The following SUGCT variants were observed in gnomAD, a reference collection of about 807,000 sequenced individuals.
SUGCT encodes the protein succinyl-CoA:glutarate-CoA transferase.
In SUGCT, 41 loss-of-function variants were observed where a neutral mutation model predicts 55.0. The ratio of observed to expected loss-of-function variants is 0.74; its 90% CI spans 0.58 to 0.97. The LOEUF (loss-of-function observed/expected upper bound fraction) is 0.97, where lower values mean the gene tolerates loss of function less well. Ranked by LOEUF, SUGCT falls within the 50% of genes least tolerant of loss-of-function variation. The pLI is 0.00. For synonymous variants in SUGCT, 187 were observed against 200.4 expected (o/e 0.93, Z 0.56); for missense variants, 568 against 547.8 (o/e 1.04, Z -0.37).
chr7:40,672,449 A>G (rs2151872786), intron 12 of SUGCT, among the ~76,000 whole-genome samples: 1 of 152,362 alleles, frequency 6.6e-6, no homozygotes, highest in East Asian at 1.9e-4. Context: ...CCAGAGAAAA[A>G]GACAATCCCA....
chr7:40,818,479 A>C lies in SUGCT; in HGVS notation c.1154-41837A>C, dbSNP rs188959395. Among the ~76,000 whole-genome samples the C allele has an allele frequency of 1.2e-4, 19 of 152,372 alleles. No homozygotes were observed. The East Asian group carries it at 3.1e-3, about 25-fold the overall frequency. ...CCAGAACATGACTACTTCTTCATAA[A>C]GAACTGGTAAGGACTGCTTTCCTCA... On this transcript the variant is annotated intron_variant, in intron 13 of 13. Coordinates refer to ENST00000335693, the MANE Select transcript of SUGCT (RefSeq NM_001193313.2).
intron 12 of SUGCT, among the ~76,000 whole-genome samples, chr7:40,552,918 C>T (rs1327914581): frequency 6.6e-6 from 1 of 152,082 alleles, no homozygotes; most frequent in Non-Finnish European, 1.5e-5. Flanking sequence ...AGACCTTGTA[C>T]CTGGCTGAGC....
At chr7:40,905,197 T>A in the SUGCT span, among the ~76,000 whole-genome samples, 1 of 152,230 alleles carries the variant, frequency 6.6e-6, no homozygotes, top group African/African-American at 2.4e-5. Flanking sequence ...TTGAATCATT[T>A]GGTTCATAAA....
chr7:40,581,985 C>T (rs1797120169), intron 12 of SUGCT, among the ~76,000 whole-genome samples: 1 of 152,058 alleles, frequency 6.6e-6, no homozygotes, highest in Non-Finnish European at 1.5e-5. Context: ...TAAAATAAAA[C>T]AAGGAAGGAA....
At chr7:40,915,141 C>T in the SUGCT span, among the ~76,000 whole-genome samples, 1 of 152,190 alleles carries the variant, frequency 6.6e-6, no homozygotes, top group Non-Finnish European at 1.5e-5. Context: ...TAATGACCCA[C>T]ATTCTTAAGG....
At chr7:40,893,911 A>C in the SUGCT span, among the ~76,000 whole-genome samples, 7 of 152,106 alleles carry the variant, frequency 4.6e-5, no homozygotes, top group Non-Finnish European at 1.0e-4. Context: ...AAATACAAAA[A>C]TTAGCTGCAC....
chr7:40,354,182 G>T (rs1034177457), intron 9 of SUGCT, among the ~76,000 whole-genome samples: 5 of 152,168 alleles, frequency 3.3e-5, no homozygotes, highest in Non-Finnish European at 7.3e-5. Flanking sequence ...GTTAAATAAG[G>T]CTTCAAAGAC....
intron 9 of SUGCT, among the ~76,000 whole-genome samples, chr7:40,353,988 G>A (rs1420847299): frequency 6.6e-6 from 1 of 152,164 alleles, no homozygotes; most frequent in East Asian, 1.9e-4. Flanking sequence ...ACAGACAAGA[G>A]ACCGGGAAGT....
At chr7:40,817,487 C>T (rs1038629531) in intron 13 of SUGCT, among the ~76,000 whole-genome samples, 2 of 152,156 alleles carry the variant, frequency 1.3e-5, no homozygotes, top group African/African-American at 4.8e-5. Context: ...TCAGGTTACT[C>T]ACTGGGGGAT....
intron 6 of SUGCT, among the ~76,000 whole-genome samples, chr7:40,225,651 G>C (rs561199860): frequency 4.0e-5 from 6 of 151,888 alleles, no homozygotes; most frequent in African/African-American, 1.5e-4. Context: ...GGCCAGGCTG[G>C]TCTTGAACTC....
intron 8 of SUGCT, among the ~76,000 whole-genome samples, chr7:40,281,918 G>T (rs1948790): frequency 0.99 from 151,399 of 152,186 alleles, 75,310 homozygotes; most frequent in East Asian, 1. Context: ...CCTCCCAGGT[G>T]CAAATGACTC....
intron 12 of SUGCT, among the ~76,000 whole-genome samples, chr7:40,741,754 A>G (rs1355464846): frequency 6.6e-6 from 1 of 152,258 alleles, no homozygotes; most frequent in African/African-American, 2.4e-5. Context: ...AATGGCCATG[A>G]TTAGCCTATG....
chr7:40,519,614 A>G (rs1005466663), intron 12 of SUGCT, among the ~76,000 whole-genome samples: 1 of 152,070 alleles, frequency 6.6e-6, no homozygotes, highest in Admixed American at 6.6e-5. Context: ...TTGACATTAT[A>G]TGTCTGAATT....
intron 12 of SUGCT, among the ~76,000 whole-genome samples, chr7:40,686,353 T>TCC (rs1784463921): frequency 6.6e-6 from 1 of 152,236 alleles, no homozygotes; most frequent in Non-Finnish European, 1.5e-5. Context: ...ATAGTAATGG[T>TCC]ACTTCTAAAA....
At chr7:40,961,780 G>A in the SUGCT span, among the ~76,000 whole-genome samples, 1 of 152,208 alleles carries the variant, frequency 6.6e-6, no homozygotes, top group Middle Eastern at 3.4e-3. Context: ...GAGCAAAGCT[G>A]CAGACCTTCA....
chr7:40,369,642 A>G (rs187035157), intron 9 of SUGCT, among the ~76,000 whole-genome samples: 73 of 152,282 alleles, frequency 4.8e-4, no homozygotes, highest in African/African-American at 1.4e-3. Flanking sequence ...CAATTATACC[A>G]TTTAAGAGGC....
intron 13 of SUGCT, among the ~76,000 whole-genome samples, chr7:40,771,441 G>A (rs1168948826): frequency 6.6e-6 from 1 of 151,754 alleles, no homozygotes; most frequent in Non-Finnish European, 1.5e-5. Context: ...TTTTTCTAAT[G>A]TGCCCCTTTC....
At position 40,452,691 on chromosome 7, in the gene SUGCT, A is replaced by C. The variant is rs78415332; in HGVS notation, c.888+3333A>C. On this transcript the variant is annotated intron_variant, in intron 10 of 13. Coordinates refer to ENST00000335693, the MANE Select transcript of SUGCT (RefSeq NM_001193313.2). Reference sequence around the variant, plus strand: ...TAATACGTAATTATACTTGTATACAACTTAGGGGTTTGGAAAGTGTTAGAG... The same window carrying C: ...TAATACGTAATTATACTTGTATACACCTTAGGGGTTTGGAAAGTGTTAGAG... 3.2e-3 allele frequency among the ~76,000 whole-genome samples: 490 copies of C among 152,302 alleles called. 3 individuals are homozygous for C. Among genetic ancestry groups the C allele is most frequent in the African/African-American group, 0.011 (454 of 41,570 alleles).
chr7:40,784,409 C>T (rs892524773), intron 13 of SUGCT, among the ~76,000 whole-genome samples: 1 of 152,160 alleles, frequency 6.6e-6, no homozygotes, highest in African/African-American at 2.4e-5. Flanking sequence ...AGGTCATCCT[C>T]TTCTCATAGC....
Sources: allele counts gnomAD v4.1 joint callset (sites outside exome capture counted in the v4.1 genomes callset), GRCh38; gene constraint gnomAD v4.1.1; transcripts MANE v1.5; gene names NCBI Gene and HGNC (gene_info 2026-07-23, HGNC 2026-07-21).